The following DENND1A variants were observed in gnomAD, a reference collection of about 807,000 sequenced individuals.
The protein encoded by DENND1A is DENN domain containing 1A.
Under a neutral mutation model 113.7 loss-of-function variants are expected in DENND1A, and 51 were observed. The ratio of observed to expected loss-of-function variants is 0.45; its 90% CI spans 0.36 to 0.57. The LOEUF (loss-of-function observed/expected upper bound fraction) is 0.57. Ranked by LOEUF, DENND1A falls within the 20% of genes least tolerant of loss-of-function variation. The probability of loss-of-function intolerance (pLI) is 0.00; values close to 1 mark genes in which losing one functional copy is unlikely to be tolerated. For synonymous variants in DENND1A, 565 were observed against 570.8 expected, an observed-to-expected ratio of 0.99 and a Z score of 0.14; for missense variants, 1,258 against 1,395.9, an observed-to-expected ratio of 0.90 and a Z score of 1.57.
At chr9:123,798,368 C>G (rs945892145) in intron 2 of DENND1A, 4 of 152,162 alleles carry the variant, frequency 2.6e-5, no homozygotes. Flanking sequence ...TATGCATAAA[C>G]AGCAGACACT....
intron 5 of DENND1A, among the ~76,000 whole-genome samples, chr9:123,719,286 A>G (rs2067179728): frequency 6.6e-6 from 1 of 152,186 alleles, no homozygotes; most frequent in South Asian, 2.1e-4. Context: ...GCTCAGAGGT[A>G]CCTTGCTCAG....
At chr9:123,636,599 T>C (rs1013252494) in intron 9 of DENND1A, among the ~76,000 whole-genome samples, 2 of 151,656 alleles carry the variant, frequency 1.3e-5, no homozygotes, top group Non-Finnish European at 2.9e-5. Flanking sequence ...TCTTACCTCC[T>C]ACTATGTTTG....
At chr9:123,600,930 C>T (rs1475669178) in intron 11 of DENND1A, among the ~76,000 whole-genome samples, 3 of 152,146 alleles carry the variant, frequency 2.0e-5, no homozygotes, top group Non-Finnish European at 4.4e-5. Context: ...CTCTCTGTTA[C>T]ACAGTCCCCC....
intron 19 of DENND1A, among the ~76,000 whole-genome samples, chr9:123,418,700 G>T (rs1287416122): frequency 6.6e-6 from 1 of 152,212 alleles, no homozygotes; most frequent in African/African-American, 2.4e-5. Flanking sequence ...TGCTTCCAGG[G>T]CCTAAGCAGC....
intron 13 of DENND1A, among the ~76,000 whole-genome samples, chr9:123,522,910 A>C (rs1459339282): frequency 6.6e-6 from 1 of 152,220 alleles, no homozygotes; most frequent in Non-Finnish European, 1.5e-5. Context: ...ATCTGAGCCA[A>C]GTCTTGAACA....
chr9:123,470,371 G>GGGTTGCCTCACTCACGCCAGT (rs2049307228), intron 13 of DENND1A, among the ~76,000 whole-genome samples: 1 of 152,158 alleles, frequency 6.6e-6, no homozygotes. Flanking sequence ...CCAGCGCCAG[G>GGGTTGCCTCACTCACGCCAGT]GGTTGCCTCA....
chr9:123,846,331 G>A (rs1842614504), intron 2 of DENND1A, among the ~76,000 whole-genome samples: 1 of 152,174 alleles, frequency 6.6e-6, no homozygotes, highest in Non-Finnish European at 1.5e-5. Context: ...ATCCAGCAAT[G>A]CCATTCCTAG....
chr9:123,701,462 C>T (rs1428920784), intron 5 of DENND1A, among the ~76,000 whole-genome samples: 1 of 152,110 alleles, frequency 6.6e-6, no homozygotes, highest in Non-Finnish European at 1.5e-5. Flanking sequence ...TTGTCTAGGT[C>T]CCCAATACTG....
At chr9:123,540,786 G>A (rs1202726790) in intron 13 of DENND1A, among the ~76,000 whole-genome samples, 2 of 152,212 alleles carry the variant, frequency 1.3e-5, no homozygotes, top group African/African-American at 4.8e-5. Flanking sequence ...TCACCACCCT[G>A]ACACATTGAA....
chr9:123,381,499 C>T lies in DENND1A; in HGVS notation c.3146G>A (p.Ser1049Asn). 2 of 1,613,576 alleles carry T rather than the reference C, an allele frequency of 1.2e-6. No individual in the cohort carries two copies. The highest frequency in any genetic ancestry group is 1.7e-6 in the Non-Finnish European group (2 of 1,179,948). Reference protein sequence around the residue: ...LQKTKQDVSPSPALAPAPDSV... With the variant: ...LQKTKQDVSPNPALAPAPDSV... The stretch of plus-strand genomic sequence containing the variant: ...GTCTGGGGCCGGGGCCAGGGCCGGA[C>T]TCGGGCTCACGTCTTGCTTGGTTTT... Residue 1049 changes from serine (S) to asparagine (N), a missense_variant, in exon 24 of 24, where the codon AGT becomes AAT. By Grantham distance (46) the Ser-to-Asn change is conservative. Around this residue, in one of 2 missense-constraint regions of DENND1A, gnomAD observed 1,159 missense variants for 1,231.7 expected, o/e 0.94. Coordinates refer to ENST00000394215, the MANE Select transcript of DENND1A (RefSeq NM_001352964.2). The surrounding 1 kb of genome is among the most constrained non-coding windows in gnomAD (Gnocchi z 4.7).
intron 5 of DENND1A, among the ~76,000 whole-genome samples, chr9:123,757,006 G>A (rs965577566): frequency 6.6e-6 from 1 of 152,292 alleles, no homozygotes; most frequent in Non-Finnish European, 1.5e-5. Context: ...GGAGCATGGG[G>A]GATGCCTTTA....
chr9:123,546,354 C>G (rs1589078027), intron 13 of DENND1A, among the ~76,000 whole-genome samples: 1 of 151,978 alleles, frequency 6.6e-6, no homozygotes, highest in African/African-American at 2.4e-5. Flanking sequence ...CAAGACCATC[C>G]TGGCTAACAC....
intron 5 of DENND1A, among the ~76,000 whole-genome samples, chr9:123,691,098 T>TG (rs1312726143): frequency 4.6e-5 from 7 of 152,136 alleles, no homozygotes; most frequent in African/African-American, 9.6e-5. Context: ...AGGGAATAAA[T>TG]GGGGGGGTCA....
At chr9:123,765,454 A>G (rs1191183282) in intron 4 of DENND1A, among the ~76,000 whole-genome samples, 2 of 152,186 alleles carry the variant, frequency 1.3e-5, no homozygotes, top group Non-Finnish European at 2.9e-5. Context: ...GTAGCATTTG[A>G]GCCACATTTG....
chr9:123,781,328 G>A (rs1012236826), intron 3 of DENND1A, among the ~76,000 whole-genome samples: 3 of 152,170 alleles, frequency 2.0e-5, no homozygotes, highest in African/African-American at 7.2e-5. Context: ...CAGAATCTTA[G>A]AGGGGAAACC....
chr9:123,629,251 C>A (rs146530177), intron 10 of DENND1A, among the ~76,000 whole-genome samples: 1 of 152,334 alleles, frequency 6.6e-6, no homozygotes, highest in East Asian at 1.9e-4. Flanking sequence ...CCTCAAATGG[C>A]TTCCCTTCTC....
chr9:123,416,056 G>A (rs1334187265), intron 19 of DENND1A, among the ~76,000 whole-genome samples: 2 of 152,208 alleles, frequency 1.3e-5, no homozygotes, highest in Non-Finnish European at 2.9e-5. Context: ...TGCTCTAGAA[G>A]CTGAAGCCAG....
rs184350851 is a variant in DENND1A, at chr9:123,601,392, T to C, written c.765+8044A>G. Among the ~76,000 whole-genome samples, 68 of 152,336 alleles carry C rather than the reference T, an allele frequency of 4.5e-4. No homozygotes were observed. The Middle Eastern group carries it at 0.014, about 30-fold the overall frequency. On this transcript the variant is annotated intron_variant, in intron 11 of 23. Transcript: ENST00000394215. ...GATTCATATTCATTTTAAAAGCAAATGCTTACTGTGAAGAGGAGACAGCTT... is the reference window on the plus strand; with the variant it reads ...GATTCATATTCATTTTAAAAGCAAACGCTTACTGTGAAGAGGAGACAGCTT...
intron 13 of DENND1A, among the ~76,000 whole-genome samples, chr9:123,459,800 G>A (rs1052071190): frequency 6.6e-6 from 1 of 151,870 alleles, no homozygotes; most frequent in Non-Finnish European, 1.5e-5. Flanking sequence ...TCGAGCTTCC[G>A]TAAGTTCTAA....
Sources: allele counts gnomAD v4.1 joint callset (sites outside exome capture counted in the v4.1 genomes callset), GRCh38; gene constraint gnomAD v4.1.1; regional missense constraint gnomAD v4.1.1; non-coding constraint Gnocchi (gnomAD v3.1); transcripts MANE v1.5; gene names NCBI Gene and HGNC (gene_info 2026-07-23, HGNC 2026-07-21).